The following DNAJA3 variants were observed in gnomAD, a reference collection of about 807,000 sequenced individuals.
The protein encoded by DNAJA3 is DnaJ heat shock protein family (Hsp40) member A3.
Under a neutral mutation model 54.9 loss-of-function variants are expected in DNAJA3, and 29 were observed. That is an observed-to-expected ratio of 0.53 (90% confidence interval 0.39 to 0.72). The LOEUF (loss-of-function observed/expected upper bound fraction) is 0.72. DNAJA3 is among the 30% of genes least tolerant of loss of function. The probability of loss-of-function intolerance (pLI) is 0.00; values close to 1 mark genes in which losing one functional copy is unlikely to be tolerated. For synonymous variants in DNAJA3, 302 were observed against 251.4 expected (o/e 1.20, Z -1.90); for missense variants, 708 against 639.4 (o/e 1.11, Z -1.16).
intron 2 of DNAJA3, among the ~76,000 whole-genome samples, chr16:4,437,179 C>T (rs1188016960): frequency 6.6e-6 from 1 of 152,136 alleles, no homozygotes; most frequent in African/African-American, 2.4e-5. Flanking sequence ...CTGTGTTGCC[C>T]AGGCTGGTGT....
chr16:4,437,003 C>T (rs1385229396), intron 2 of DNAJA3, among the ~76,000 whole-genome samples: 3 of 152,174 alleles, frequency 2.0e-5, no homozygotes, highest in Non-Finnish European at 4.4e-5. Context: ...CAGAATCTCA[C>T]TCCGTCACCT....
chr16:4,432,843 CAA>C (rs1407612466), intron 1 of DNAJA3, among the ~76,000 whole-genome samples: 1 of 150,656 alleles, frequency 6.6e-6, no homozygotes. Context: ...TCTCAAAAAA[CAA>C]AGAAACAAAA....
chr16:4,452,577 TCTC>T (rs1218633083), intron 10 of DNAJA3, among the ~76,000 whole-genome samples: 2 of 152,124 alleles, frequency 1.3e-5, no homozygotes, highest in Non-Finnish European at 1.5e-5. Flanking sequence ...CAGGATGTCT[TCTC>T]CTGTGTGCAA....
chr16:4,445,213 C>G (rs2056889027), intron 7 of DNAJA3, among the ~76,000 whole-genome samples: 1 of 152,222 alleles, frequency 6.6e-6, no homozygotes, highest in Non-Finnish European at 1.5e-5. Flanking sequence ...TCCATGGTAG[C>G]AAGACACTGC....
At chr16:4,436,598 C>T (rs963218699) in intron 2 of DNAJA3, among the ~76,000 whole-genome samples, 4 of 152,054 alleles carry the variant, frequency 2.6e-5, no homozygotes, top group African/African-American at 9.7e-5. Flanking sequence ...TGCAGTGGTG[C>T]AGTCTTGGCT....
At chr16:4,436,683 G>A (rs144730689) in intron 2 of DNAJA3, among the ~76,000 whole-genome samples, 7 of 151,980 alleles carry the variant, frequency 4.6e-5, no homozygotes, top group Non-Finnish European at 7.4e-5. Flanking sequence ...TTATAGGCGC[G>A]TGTGACCATA....
chr16:4,444,072 G>A (rs569818507), intron 6 of DNAJA3, among the ~76,000 whole-genome samples: 5 of 152,292 alleles, frequency 3.3e-5, no homozygotes, highest in African/African-American at 9.6e-5. Flanking sequence ...TTATGCATTA[G>A]TGCTATCGTT....
Position 4,448,846 on chromosome 16 carries a change from A to G in DNAJA3, c.1239A>G (p.Pro413=). The G allele has an allele frequency of 6.2e-7, 1 of 1,612,312 alleles. No homozygotes were observed. The highest frequency in any genetic ancestry group is 8.5e-7 in the Non-Finnish European group (1 of 1,178,776). Residue 413 remains proline (P), a splice_region_variant and synonymous_variant, in exon 9 of 12, where the codon CCA becomes CCG. Transcript: ENST00000262375. ...ACATCCACATCAAGATACGAGTTCCAAAGTAAGTGCCCCCTAGGCTGTGGC... is the reference window on the plus strand; with the variant it reads ...ACATCCACATCAAGATACGAGTTCCGAAGTAAGTGCCCCCTAGGCTGTGGC... ...DHYIHIKIRV[P]KRLTSRQQSL... is the part of the protein sequence containing the mutation.
intron 8 of DNAJA3, 91 bp downstream of exon 8, chr16:4,447,105 T>G: frequency 6.7e-7 from 1 of 1,483,052 alleles, no homozygotes; most frequent in Non-Finnish European, 9.1e-7. Flanking sequence ...CTGGAACCCA[T>G]GAGTGACCAG....
intron 2 of DNAJA3, among the ~76,000 whole-genome samples, 177 bp from the exon 3 acceptor site, chr16:4,437,225 C>T (rs2056782129): frequency 6.6e-6 from 1 of 152,204 alleles, no homozygotes; most frequent in South Asian, 2.1e-4. Context: ...CCTGCCTTCA[C>T]TTCCCAAAGT....
chr16:4,439,815 C>T (rs1034974357), intron 3 of DNAJA3, among the ~76,000 whole-genome samples: 6 of 152,130 alleles, frequency 3.9e-5, no homozygotes, highest in African/African-American at 1.2e-4. Context: ...AACTGGGTGC[C>T]CTAAAAGTTA....
rs1186867404 is a variant in DNAJA3, at chr16:4,448,788, C to G, written c.1181C>G (p.Pro394Arg). ...ATTCGGATGGGTGGGAAAGGCATCC[C>G]CCGGATTAACAGCTACGGCTACGGA... ...QKIRMGGKGI[P>R]RINSYGYGDH... is the part of the protein sequence containing the mutation. The change falls in exon 9 of 12, where the codon CCC (proline) becomes CGC (arginine). Residue 394 changes from proline (P) to arginine (R), a missense_variant. By Grantham distance (103) the Pro-to-Arg change is moderately radical. Coordinates refer to ENST00000262375, the MANE Select transcript of DNAJA3 (RefSeq NM_005147.6). 1.2e-6 allele frequency: 2 copies of G among 1,614,118 alleles called. No individual in the cohort carries two copies.
At position 4,426,060 on chromosome 16, in the gene DNAJA3, T is replaced by G; in HGVS notation, c.179T>G (p.Leu60Arg). 6.2e-7 allele frequency: 1 copy of G among 1,602,748 alleles called. No homozygotes were observed. Residue 60 changes from leucine to arginine, a missense_variant, in exon 1 of 12, where the codon CTG becomes CGG. By Grantham distance (102) the Leu-to-Arg change is moderately radical (BLOSUM62 -2). Coordinates refer to ENST00000262375, the MANE Select transcript of DNAJA3 (RefSeq NM_005147.6). ...SSLTSCGPRA[L>R]LTLRPGVSLT... ...CTGACCTCTTGCGGCCCCCGAGCGC[T>G]GCTGACATTGAGACCTGGTGTCAGC...
Position 4,426,211 on chromosome 16 carries a change from A to G in DNAJA3, c.211+119A>G, listed in dbSNP as rs2141363240. ...GGAGGGTGTCTTCCGACGCGGATGC[A>G]CAATTGCCGGAGACACAGACAGGCA... is the stretch of plus-strand genomic sequence containing the variant. On this transcript the variant is annotated intron_variant, in intron 1 of 11. Transcript: ENST00000262375. 5 of 1,138,606 alleles carry G rather than the reference A, an allele frequency of 4.4e-6. No homozygotes were observed. In the South Asian group the frequency reaches 5.8e-5, roughly 13 times the overall value. The allele number at this position is 1,138,606 out of a possible 1,614,324, so 70.5% of individuals were successfully genotyped here.
intron 3 of DNAJA3, 26 bp from the exon 4 acceptor site, chr16:4,441,349 C>T (rs371351800): frequency 3.1e-6 from 5 of 1,596,838 alleles, no homozygotes; most frequent in Non-Finnish European, 4.3e-6. Flanking sequence ...ACCTGGGATG[C>T]CCAGTGGCTC....
chr16:4,451,475 G>C (rs1041366226), intron 10 of DNAJA3, among the ~76,000 whole-genome samples: 1 of 151,962 alleles, frequency 6.6e-6, no homozygotes, highest in Non-Finnish European at 1.5e-5. Flanking sequence ...AGCAGCTGCC[G>C]GCCGGGCGCA....
chr16:4,445,827 C>A (rs1265171874), intron 7 of DNAJA3, among the ~76,000 whole-genome samples: 1 of 152,194 alleles, frequency 6.6e-6, no homozygotes, highest in Non-Finnish European at 1.5e-5. Flanking sequence ...GCTGGGATTA[C>A]AGGTATGAGC....
Position 4,456,708 on chromosome 16 carries a change from G to A in DNAJA3, c.*1176G>A, listed in dbSNP as rs1268091470. Reference sequence around the variant, plus strand: ...AAGCATCTATTAGTGTCTGATTTAGGAATGTAAAATGATTCTGTATTAATG... The same window carrying A: ...AAGCATCTATTAGTGTCTGATTTAGAAATGTAAAATGATTCTGTATTAATG... On this transcript the variant is annotated 3_prime_UTR_variant, in exon 12 of 12. Coordinates refer to ENST00000262375, the MANE Select transcript of DNAJA3 (RefSeq NM_005147.6). 1 of 152,580 alleles carries A rather than the reference G, an allele frequency of 6.6e-6. No homozygotes were observed. The highest frequency in any genetic ancestry group is 1.9e-4 in the East Asian group (1 of 5,204). 9.5% of individuals were successfully genotyped at this position (152,580 alleles called of 1,614,324 possible). A position where few individuals can be genotyped will look rare whatever the true frequency, so the allele number is the denominator to read the frequency against.
At chr16:4,445,743 G>A (rs1035448066) in intron 7 of DNAJA3, among the ~76,000 whole-genome samples, 11 of 151,838 alleles carry the variant, frequency 7.2e-5, no homozygotes, top group African/African-American at 2.7e-4. Flanking sequence ...GTAAAGATGA[G>A]GTTTCACCAT....
Sources: allele counts gnomAD v4.1 joint callset (sites outside exome capture counted in the v4.1 genomes callset), GRCh38; gene constraint gnomAD v4.1.1; transcripts MANE v1.5; gene names NCBI Gene and HGNC (gene_info 2026-07-23, HGNC 2026-07-21).